Variants in HTT-AS observed in about 807,000 individuals in gnomAD.
HTT-AS encodes the protein HTT antisense RNA (head to head).
intron 2 of HTT-AS, among the ~76,000 whole-genome samples, chr4:3,059,977 A>G (rs1169326902): frequency 7.2e-6 from 1 of 138,034 alleles, no homozygotes; most frequent in Non-Finnish European, 1.5e-5. Flanking sequence ...GCTGGAGTTC[A>G]GTGGCGTGAT....
chr4:3,065,057 G>T (rs1712016880), intron 1 of HTT-AS, among the ~76,000 whole-genome samples: 1 of 152,098 alleles, frequency 6.6e-6, no homozygotes, highest in East Asian at 1.9e-4. Flanking sequence ...TTTCATAGAT[G>T]CTGTAAAGGC....
chr4:3,056,540 A>G (rs1711806863), intron 2 of HTT-AS, among the ~76,000 whole-genome samples: 2 of 152,206 alleles, frequency 1.3e-5, no homozygotes, highest in Admixed American at 6.5e-5. Flanking sequence ...CAAAGACTCA[A>G]ATACAGAAGT....
chr4:3,060,110 C>T (rs889233454), intron 2 of HTT-AS, among the ~76,000 whole-genome samples: 3 of 152,176 alleles, frequency 2.0e-5, no homozygotes, highest in East Asian at 3.9e-4. Flanking sequence ...ATGCCCTGTG[C>T]GTACATGCTA....
At chr4:3,066,991 A>G (rs1712068569) in intron 1 of HTT-AS, among the ~76,000 whole-genome samples, 1 of 152,246 alleles carries the variant, frequency 6.6e-6, no homozygotes, top group Non-Finnish European at 1.5e-5. Flanking sequence ...TCAAAGAGGA[A>G]ATTTGCAAAA....
chr4:3,061,045 C>T (rs2471331), intron 2 of HTT-AS, among the ~76,000 whole-genome samples: 7,396 of 152,218 alleles, frequency 0.049, 394 homozygotes, highest in African/African-American at 0.14. Context: ...CCTATTAAAG[C>T]TCCACTCTTA....
At chr4:3,067,141 A>C (rs1712071781) in intron 1 of HTT-AS, among the ~76,000 whole-genome samples, 1 of 152,246 alleles carries the variant, frequency 6.6e-6, no homozygotes, top group Non-Finnish European at 1.5e-5. Context: ...GAATAGAAAT[A>C]GCCAGAGAGA....
At chr4:3,062,289 C>G (rs577919493) in intron 2 of HTT-AS, among the ~76,000 whole-genome samples, 1 of 152,130 alleles carries the variant, frequency 6.6e-6, no homozygotes, top group Non-Finnish European at 1.5e-5. Context: ...CTCAGCCTCC[C>G]GAAATGCTGG....
At chr4:3,062,935 T>C (rs1414567228) in exon 2 of HTT-AS, among the ~76,000 whole-genome samples, 1 of 152,144 alleles carries the variant, frequency 6.6e-6, no homozygotes, top group African/African-American at 2.4e-5. Flanking sequence ...TTAGAGTTCT[T>C]GCTCAGGAAA....
At chr4:3,058,847 G>C (rs1711859113) in intron 2 of HTT-AS, among the ~76,000 whole-genome samples, 1 of 151,912 alleles carries the variant, frequency 6.6e-6, no homozygotes, top group Non-Finnish European at 1.5e-5. Flanking sequence ...AGCCTCCCGA[G>C]TAGCTGGGAC....
At chr4:3,059,719 T>C (rs1711889401) in intron 2 of HTT-AS, among the ~76,000 whole-genome samples, 1 of 151,704 alleles carries the variant, frequency 6.6e-6, no homozygotes, top group South Asian at 2.1e-4. Flanking sequence ...TACAGGTGCA[T>C]GCACCACCAC....
At chr4:3,058,592 C>T (rs1452837862) in intron 2 of HTT-AS, among the ~76,000 whole-genome samples, 1 of 152,138 alleles carries the variant, frequency 6.6e-6, no homozygotes, top group African/African-American at 2.4e-5. Flanking sequence ...CATCCTGTGA[C>T]TATGAATGCC....
intron 1 of HTT-AS, among the ~76,000 whole-genome samples, chr4:3,066,088 C>T (rs554441394): frequency 6.6e-6 from 1 of 150,972 alleles, no homozygotes; most frequent in Non-Finnish European, 1.5e-5. Flanking sequence ...AGGGTGGGAG[C>T]GCAGAGAGAG....
exon 3 of HTT-AS, among the ~76,000 whole-genome samples, chr4:3,049,145 C>T (rs373785765): frequency 1.3e-5 from 2 of 152,108 alleles, no homozygotes; most frequent in East Asian, 3.8e-4. Context: ...GTCTCATGGC[C>T]AGGCGTGGTG....
chr4:3,055,470 C>A (rs1419367299), intron 2 of HTT-AS, among the ~76,000 whole-genome samples: 1 of 152,152 alleles, frequency 6.6e-6, no homozygotes, highest in Non-Finnish European at 1.5e-5. Context: ...TGCAGCCTAT[C>A]TCCTTTGGAT....
intron 1 of HTT-AS, among the ~76,000 whole-genome samples, chr4:3,069,410 C>T (rs1486221417): frequency 6.6e-6 from 1 of 151,874 alleles, no homozygotes; most frequent in Non-Finnish European, 1.5e-5. Context: ...CCTACCTCTG[C>T]CTCTCAAAGT....
At chr4:3,054,542 G>T (rs1407112635) in intron 2 of HTT-AS, among the ~76,000 whole-genome samples, 5 of 152,098 alleles carry the variant, frequency 3.3e-5, no homozygotes, top group Admixed American at 6.6e-5. Flanking sequence ...GGGTTAAAGG[G>T]TTTTTAAGTT....
At chr4:3,070,292 C>T (rs887339779) in intron 1 of HTT-AS, 1 of 144,840 alleles carries the variant, frequency 6.9e-6, no homozygotes, top group Non-Finnish European at 1.5e-5. Context: ...TTCTCTCTCG[C>T]TCTTTTTTTT....
At chr4:3,074,113 C>T (rs1712306870) in intron 1 of HTT-AS, among the ~76,000 whole-genome samples, 1 of 134,260 alleles carries the variant, frequency 7.4e-6, no homozygotes, top group Non-Finnish European at 1.6e-5. Flanking sequence ...CCTTCCTGCC[C>T]CGCCCCCAGC....
exon 1 of HTT-AS, chr4:3,074,537 G>T: frequency 3.2e-6 from 1 of 316,016 alleles, no homozygotes; most frequent in Non-Finnish European, 5.6e-6. Flanking sequence ...ACCTGCGGGG[G>T]CAGGGGCGGG....
Sources: allele counts gnomAD v4.1 joint callset (sites outside exome capture counted in the v4.1 genomes callset), GRCh38; gene constraint gnomAD v4.1.1; transcripts MANE v1.5; gene names NCBI Gene and HGNC (gene_info 2026-07-23, HGNC 2026-07-21).